XKR9: variants seen among roughly 807,000 people sequenced by gnomAD.
The protein encoded by XKR9 is XK-related protein 9.
A neutral mutation model predicts 32.0 loss-of-function variants in XKR9; 32 were observed. The observed-to-expected ratio is 1.00, with a 90% CI of 0.76 to 1.34. The LOEUF (loss-of-function observed/expected upper bound fraction) is 1.34. Ranked by LOEUF, XKR9 falls within the 40% of genes most tolerant of loss-of-function variation. The probability of loss-of-function intolerance (pLI) is 0.00; values close to 1 mark genes in which losing one functional copy is unlikely to be tolerated. For missense variants in XKR9, 546 were observed against 429.7 expected (o/e 1.27, Z -2.39); for synonymous variants, 168 against 143.4 (o/e 1.17, Z -1.22).
At chr8:71,002,928 G>T in the XKR9 span, among the ~76,000 whole-genome samples, 2 of 152,214 alleles carry the variant, frequency 1.3e-5, no homozygotes, top group African/African-American at 4.8e-5. Context: ...GGAGAGTCTA[G>T]CTGAGGGAAG....
At chr8:70,903,591 C>T in the XKR9 span, among the ~76,000 whole-genome samples, 2 of 152,078 alleles carry the variant, frequency 1.3e-5, no homozygotes, top group African/African-American at 4.8e-5. Context: ...AAAACCAGCT[C>T]CTGGATTCAT....
downstream of XKR9, among the ~76,000 whole-genome samples, chr8:70,736,947 G>A (rs372998107): frequency 0.029 from 3,127 of 106,380 alleles, no homozygotes; most frequent in Non-Finnish European, 0.046. Context: ...ACTCGGCGAT[G>A]CGGGCTCTTT....
chr8:70,839,193 G>T, the XKR9 span, among the ~76,000 whole-genome samples: 1 of 152,070 alleles, frequency 6.6e-6, no homozygotes, highest in East Asian at 1.9e-4. Context: ...CTGGAAGATA[G>T]TGAAAGAAAT....
the XKR9 span, among the ~76,000 whole-genome samples, chr8:70,994,186 C>T: frequency 6.6e-6 from 1 of 152,178 alleles, no homozygotes; most frequent in African/African-American, 2.4e-5. Context: ...TTAACCTTCA[C>T]TTACCTTTCC....
At chr8:70,725,677 G>A (rs1429180073) in intron 4 of XKR9, among the ~76,000 whole-genome samples, 2 of 152,056 alleles carry the variant, frequency 1.3e-5, no homozygotes, top group African/African-American at 2.4e-5. Flanking sequence ...AGGCTGAGGC[G>A]AGCAGATCAC....
the XKR9 span, among the ~76,000 whole-genome samples, chr8:70,903,452 T>C: frequency 1.3e-5 from 2 of 152,190 alleles, no homozygotes; most frequent in Admixed American, 6.5e-5. Context: ...TCTCTGATGG[T>C]AGTTTGTATT....
intron 2 of XKR9, among the ~76,000 whole-genome samples, chr8:70,757,354 A>G (rs1196053084): frequency 1.3e-5 from 2 of 151,484 alleles, no homozygotes; most frequent in East Asian, 1.9e-4. Context: ...CTGTCAATTT[A>G]TCTTCCAGTT....
chr8:70,701,465 A>G (rs1353089731), intron 3 of XKR9, among the ~76,000 whole-genome samples: 7 of 152,146 alleles, frequency 4.6e-5, no homozygotes, highest in Admixed American at 4.6e-4. Context: ...TTTCTCTCTT[A>G]GAGCCAGGCA....
At chr8:70,873,745 A>G in the XKR9 span, among the ~76,000 whole-genome samples, 2 of 152,244 alleles carry the variant, frequency 1.3e-5, no homozygotes, top group South Asian at 2.1e-4. Context: ...AAGGATTTCG[A>G]ATCTTATATA....
the XKR9 span, among the ~76,000 whole-genome samples, chr8:71,028,397 A>G: frequency 6.6e-6 from 1 of 152,186 alleles, no homozygotes; most frequent in South Asian, 2.1e-4. Context: ...CTACTGATCC[A>G]TGATCTTACT....
chr8:70,753,629 G>A (rs1287423831), intron 2 of XKR9, among the ~76,000 whole-genome samples: 1 of 152,040 alleles, frequency 6.6e-6, no homozygotes, highest in Admixed American at 6.6e-5. Flanking sequence ...ATCAAGAAAT[G>A]TAGTCCAGCA....
chr8:70,825,910 A>G, the XKR9 span, among the ~76,000 whole-genome samples: 2 of 152,104 alleles, frequency 1.3e-5, no homozygotes, highest in Non-Finnish European at 2.9e-5. Flanking sequence ...AGAGATTTAA[A>G]AAATAAACTA....
the XKR9 span, among the ~76,000 whole-genome samples, chr8:70,877,179 T>G: frequency 6.6e-6 from 1 of 152,130 alleles, no homozygotes; most frequent in Non-Finnish European, 1.5e-5. Flanking sequence ...CCATCAGATC[T>G]CATGAGAACT....
At chr8:70,698,121 C>T (rs1486281569) in intron 3 of XKR9, among the ~76,000 whole-genome samples, 6 of 151,882 alleles carry the variant, frequency 4.0e-5, no homozygotes, top group Non-Finnish European at 7.4e-5. Flanking sequence ...TTTGTTGATC[C>T]TTTCAAAAAA....
At chr8:70,896,260 A>G in the XKR9 span, among the ~76,000 whole-genome samples, 3 of 152,204 alleles carry the variant, frequency 2.0e-5, no homozygotes, top group Admixed American at 6.5e-5. Flanking sequence ...TGCATTTTCT[A>G]GAAGAGATAG....
chr8:71,045,643 C>T, the XKR9 span, among the ~76,000 whole-genome samples: 119 of 152,136 alleles, frequency 7.8e-4, no homozygotes, highest in Non-Finnish European at 1.4e-3. Flanking sequence ...GTGTGCCACG[C>T]GCAGTTCCAG....
the XKR9 span, among the ~76,000 whole-genome samples, chr8:71,024,422 T>A: frequency 6.6e-6 from 1 of 152,018 alleles, no homozygotes; most frequent in East Asian, 1.9e-4. Flanking sequence ...TCTGGGTGGA[T>A]GTTGGGGGAT....
chr8:70,705,101 G>C (rs971782669), intron 3 of XKR9, among the ~76,000 whole-genome samples: 3 of 152,046 alleles, frequency 2.0e-5, no homozygotes, highest in Non-Finnish European at 4.4e-5. Context: ...TTTACAATGG[G>C]AATACTTTAT....
At chr8:70,859,788 T>A in the XKR9 span, among the ~76,000 whole-genome samples, 1 of 152,018 alleles carries the variant, frequency 6.6e-6, no homozygotes, top group Non-Finnish European at 1.5e-5. Context: ...CTAAACATGA[T>A]GTCATGGAGG....
Sources: gnomAD v4.1 joint callset for allele counts (sites outside exome capture counted in the v4.1 genomes callset) on GRCh38, gnomAD v4.1.1 for gene constraint, MANE v1.5 for transcripts, NCBI Gene and HGNC (gene_info 2026-07-23, HGNC 2026-07-21) for gene names.